FBXL7: variants seen among roughly 807,000 people sequenced by gnomAD.
FBXL7 encodes the protein F-box/LRR-repeat protein 7.
FBXL7 carries 12 observed loss-of-function variants against 38.3 expected under a neutral mutation model. The observed-to-expected ratio is 0.31, with a 90% CI of 0.20 to 0.51. The LOEUF (loss-of-function observed/expected upper bound fraction) is 0.51, where lower values mean the gene tolerates loss of function less well. FBXL7 is among the 20% of genes least tolerant of loss of function. The probability of loss-of-function intolerance (pLI) is 0.98; values close to 1 mark genes in which losing one functional copy is unlikely to be tolerated. For missense variants in FBXL7, 567 were observed against 676.4 expected, an observed-to-expected ratio of 0.84 and a Z score of 1.79; for synonymous variants, 297 against 300.9, an observed-to-expected ratio of 0.99 and a Z score of 0.13.
intron 1 of FBXL7, among the ~76,000 whole-genome samples, chr5:15,519,807 C>G (rs1449908012): frequency 6.6e-6 from 1 of 152,150 alleles, no homozygotes; most frequent in Non-Finnish European, 1.5e-5. Flanking sequence ...AGTTTCCTAT[C>G]CCCTTTTGTT....
intron 2 of FBXL7, among the ~76,000 whole-genome samples, chr5:15,791,775 C>G (rs185648310): frequency 1.6e-4 from 24 of 152,256 alleles, no homozygotes; most frequent in Middle Eastern, 3.4e-3. Flanking sequence ...TCTCTCTTCT[C>G]CTTCCCAGCC....
At chr5:15,756,346 T>C (rs779261331) in intron 2 of FBXL7, among the ~76,000 whole-genome samples, 1 of 152,220 alleles carries the variant, frequency 6.6e-6, no homozygotes, top group African/African-American at 2.4e-5. Flanking sequence ...TCTACCTTCA[T>C]GTAAATGGGA....
At chr5:15,829,184 AC>A (rs1412131107) in intron 2 of FBXL7, among the ~76,000 whole-genome samples, 1 of 151,996 alleles carries the variant, frequency 6.6e-6, no homozygotes, top group Non-Finnish European at 1.5e-5. Context: ...CCCTGAATTA[AC>A]CCTTCAACCT....
chr5:15,700,237 C>G (rs1156371703), intron 2 of FBXL7, among the ~76,000 whole-genome samples: 1 of 152,146 alleles, frequency 6.6e-6, no homozygotes, highest in Non-Finnish European at 1.5e-5. Context: ...ACCCTAGTCT[C>G]TAAAGACTTC....
chr5:15,673,303 C>T (rs995747627), intron 2 of FBXL7, among the ~76,000 whole-genome samples: 11 of 150,916 alleles, frequency 7.3e-5, no homozygotes, highest in Middle Eastern at 3.4e-3. Flanking sequence ...GTGACAAGAG[C>T]GAGACTCCAT....
At chr5:15,563,267 G>A (rs1325934841) in intron 1 of FBXL7, among the ~76,000 whole-genome samples, 2 of 152,132 alleles carry the variant, frequency 1.3e-5, no homozygotes, top group African/African-American at 4.8e-5. Flanking sequence ...ACACTTGCTT[G>A]AGCAAGTGGA....
At chr5:15,912,887 GGGA>G in intron 2 of FBXL7, among the ~76,000 whole-genome samples, 1 of 152,248 alleles carries the variant, frequency 6.6e-6, no homozygotes, top group East Asian at 1.9e-4. Context: ...AGTAGGCCCA[GGGA>G]ACTACCCATG....
At chr5:15,781,499 A>G (rs1476716877) in intron 2 of FBXL7, among the ~76,000 whole-genome samples, 1 of 151,832 alleles carries the variant, frequency 6.6e-6, no homozygotes, top group Non-Finnish European at 1.5e-5. Context: ...GTAAAATAGT[A>G]TATTCAGTAG....
At chr5:15,518,946 G>A (rs903309670) in intron 1 of FBXL7, among the ~76,000 whole-genome samples, 3 of 152,114 alleles carry the variant, frequency 2.0e-5, no homozygotes, top group East Asian at 3.8e-4. Flanking sequence ...CAAATGAAAC[G>A]TTTACTTGTC....
intron 1 of FBXL7, among the ~76,000 whole-genome samples, chr5:15,610,751 A>G (rs759951498): frequency 1.1e-4 from 16 of 152,158 alleles, no homozygotes; most frequent in Admixed American, 6.5e-5. Context: ...CAGAAACTGA[A>G]TTATTTTTCT....
intron 2 of FBXL7, among the ~76,000 whole-genome samples, chr5:15,650,260 G>A (rs548594964): frequency 2.0e-5 from 3 of 152,318 alleles, no homozygotes; most frequent in South Asian, 2.1e-4. Context: ...CCCAGTGCAC[G>A]TAAAAGTTAT....
chr5:15,545,734 T>C (rs1207465283), intron 1 of FBXL7, among the ~76,000 whole-genome samples: 1 of 152,260 alleles, frequency 6.6e-6, no homozygotes, highest in African/African-American at 2.4e-5. Flanking sequence ...ATAAAATTTA[T>C]AGTCATGAAA....
At chr5:15,906,628 C>T in intron 2 of FBXL7, among the ~76,000 whole-genome samples, 2 of 130,650 alleles carry the variant, frequency 1.5e-5, no homozygotes, top group Admixed American at 1.6e-4. Flanking sequence ...AATGTGTCAT[C>T]TAGCATTAGG....
chr5:15,763,855 T>C (rs1359063831), intron 2 of FBXL7, among the ~76,000 whole-genome samples: 1 of 152,226 alleles, frequency 6.6e-6, no homozygotes, highest in Non-Finnish European at 1.5e-5. Context: ...CCTGCAATTA[T>C]GGTGGCTAGT....
intron 2 of FBXL7, among the ~76,000 whole-genome samples, chr5:15,816,917 A>C (rs1331073252): frequency 6.6e-6 from 1 of 152,228 alleles, no homozygotes; most frequent in Non-Finnish European, 1.5e-5. Flanking sequence ...ACTTTTGTTA[A>C]AAACAAATCA....
intron 2 of FBXL7, among the ~76,000 whole-genome samples, chr5:15,863,318 G>C (rs1739560035): frequency 6.6e-6 from 1 of 152,066 alleles, no homozygotes; most frequent in Non-Finnish European, 1.5e-5. Context: ...TGTGCTTTCT[G>C]GTCATCATTT....
At chr5:15,752,838 CT>C (rs1736189043) in intron 2 of FBXL7, among the ~76,000 whole-genome samples, 1 of 152,164 alleles carries the variant, frequency 6.6e-6, no homozygotes, top group South Asian at 2.1e-4. Flanking sequence ...ACAAGTTATC[CT>C]TCTAGAAGGT....
At chr5:15,501,866 A>ATGTGTGTGTGTGTGTGTGTGTGTG (rs70938014) in intron 1 of FBXL7, 14 of 224,210 alleles carry the variant, frequency 6.2e-5, no homozygotes, top group African/African-American at 3.5e-4. Flanking sequence ...GTGCATGTGT[A>ATGTGTGTGTGTGTGTGTGTGTGTG]TGTGTGTGTG....
At chr5:15,717,218 T>C (rs561264070) in intron 2 of FBXL7, among the ~76,000 whole-genome samples, 1 of 152,164 alleles carries the variant, frequency 6.6e-6, no homozygotes, top group Non-Finnish European at 1.5e-5. Flanking sequence ...GTCATAGCAC[T>C]TGATCCAGAG....
Sources: allele counts gnomAD v4.1 joint callset (sites outside exome capture counted in the v4.1 genomes callset), GRCh38; gene constraint gnomAD v4.1.1; transcripts MANE v1.5; gene names NCBI Gene and HGNC (gene_info 2026-07-23, HGNC 2026-07-21).